The following BMPR1B variants were observed in gnomAD, a reference collection of about 807,000 sequenced individuals.
The protein encoded by BMPR1B is bone morphogenetic protein receptor type 1B, also known as bone morphogenetic protein receptor type-1B.
BMPR1B carries 12 observed loss-of-function variants against 59.1 expected under a neutral mutation model. The ratio of observed to expected loss-of-function variants is 0.20; its 90% confidence interval spans 0.13 to 0.33. The LOEUF (loss-of-function observed/expected upper bound fraction) is 0.33, where lower values mean the gene tolerates loss of function less well. BMPR1B is among the 10% of genes least tolerant of loss of function. BMPR1B has a pLI of 1.00. For synonymous variants in BMPR1B, 237 were observed against 207.3 expected (o/e 1.14, Z -1.23); for missense variants, 550 against 610.9 (o/e 0.90, Z 1.05).
intron 3 of BMPR1B, among the ~76,000 whole-genome samples, chr4:94,997,615 T>C (rs1722151379): frequency 6.6e-6 from 1 of 152,204 alleles, no homozygotes; most frequent in Non-Finnish European, 1.5e-5. Context: ...TTTTATCATG[T>C]GAATCTTTGT....
intron 1 of BMPR1B, among the ~76,000 whole-genome samples, chr4:94,833,680 T>C (rs1405442771): frequency 2.6e-5 from 4 of 152,190 alleles, no homozygotes; most frequent in Non-Finnish European, 5.9e-5. Context: ...GTGTTCCTTA[T>C]AGAATTTTGA....
chr4:95,031,595 A>G (rs1364593104), intron 3 of BMPR1B, among the ~76,000 whole-genome samples: 2 of 152,088 alleles, frequency 1.3e-5, no homozygotes, highest in African/African-American at 2.4e-5. Flanking sequence ...AGTAGCTGGG[A>G]CTACAGGGAC....
At chr4:94,862,240 C>T (rs545457744) in intron 1 of BMPR1B, among the ~76,000 whole-genome samples, 10 of 151,934 alleles carry the variant, frequency 6.6e-5, no homozygotes, top group African/African-American at 1.9e-4. Context: ...AGTCGCATCT[C>T]CCAGGTTAAA....
chr4:94,780,299 T>C (rs1722540480), intron 1 of BMPR1B, among the ~76,000 whole-genome samples: 1 of 152,238 alleles, frequency 6.6e-6, no homozygotes, highest in African/African-American at 2.4e-5. Context: ...ACTGGCTTTC[T>C]TCACTTAGCA....
intron 1 of BMPR1B, among the ~76,000 whole-genome samples, chr4:94,826,249 C>T (rs11728570): frequency 0.24 from 36,572 of 151,978 alleles, 5,108 homozygotes; most frequent in East Asian, 0.4. Context: ...TGTGGTCTTT[C>T]GGTAGAGTTG....
chr4:95,066,070 C>T (rs965289338), intron 3 of BMPR1B, among the ~76,000 whole-genome samples: 7 of 152,112 alleles, frequency 4.6e-5, no homozygotes, highest in Admixed American at 6.6e-5. Context: ...CTCAGTCTAG[C>T]CTTGTGAGTA....
chr4:94,871,698 A>T (rs1726504514), intron 1 of BMPR1B, among the ~76,000 whole-genome samples: 1 of 152,230 alleles, frequency 6.6e-6, no homozygotes, highest in African/African-American at 2.4e-5. Flanking sequence ...AGATAATACA[A>T]GGTAAACACA....
chr4:95,122,097 A>C (rs1044472901), intron 6 of BMPR1B, among the ~76,000 whole-genome samples: 2 of 152,178 alleles, frequency 1.3e-5, no homozygotes, highest in Non-Finnish European at 2.9e-5. Context: ...TAATCCCAGC[A>C]CTTTGGGAGA....
chr4:95,125,844 C>T (rs1732868086), intron 8 of BMPR1B, among the ~76,000 whole-genome samples: 1 of 152,122 alleles, frequency 6.6e-6, no homozygotes, highest in Admixed American at 6.6e-5. Context: ...ATACCCAATA[C>T]TGCTTGCAGG....
At chr4:94,938,859 T>A (rs1206598163) in intron 2 of BMPR1B, among the ~76,000 whole-genome samples, 1 of 151,712 alleles carries the variant, frequency 6.6e-6, no homozygotes, top group Non-Finnish European at 1.5e-5. Flanking sequence ...TTTATTTTTT[T>A]AATTAGCCAT....
chr4:95,114,909 C>T, intron 5 of BMPR1B, 87 bp downstream of exon 5: 2 of 1,310,462 alleles, frequency 1.5e-6, no homozygotes, highest in South Asian at 1.2e-5. Flanking sequence ...TTTTTCTTGG[C>T]CAGCCCATTT....
chr4:95,078,285 C>T (rs1166131155), intron 3 of BMPR1B, among the ~76,000 whole-genome samples: 1 of 152,142 alleles, frequency 6.6e-6, no homozygotes, highest in African/African-American at 2.4e-5. Flanking sequence ...ATATTTTTAA[C>T]TGGTATATAT....
intron 1 of BMPR1B, among the ~76,000 whole-genome samples, chr4:94,794,573 G>T (rs1298579517): frequency 7.2e-6 from 1 of 139,500 alleles, no homozygotes; most frequent in African/African-American, 2.9e-5. Context: ...TTGGTAGCTT[G>T]ATGGGGATGG....
chr4:94,769,815 T>C (rs974993549), intron 1 of BMPR1B, among the ~76,000 whole-genome samples: 1 of 152,228 alleles, frequency 6.6e-6, no homozygotes, highest in Admixed American at 6.5e-5. Flanking sequence ...ATTTTACTTT[T>C]AAAATTTGGT....
At position 95,125,039 on chromosome 4, in the gene BMPR1B, C is replaced by G. The variant is rs373998952; in HGVS notation, c.503C>G (p.Thr168Ser). Reference sequence around the variant, plus strand: ...AGCATTGGGTTAGAACAGGATGAAACTTACATTCCTCCTGGAGAATCCCTG... The same window carrying G: ...AGCATTGGGTTAGAACAGGATGAAAGTTACATTCCTCCTGGAGAATCCCTG... ...RYSIGLEQDE[T>S]YIPPGESLRD... is the part of the protein sequence containing the mutation. The change falls in exon 8 of 13, where the codon ACT becomes AGT. Residue 168 changes from threonine (T) to serine (S), a missense_variant. Thr to Ser is a moderately conservative substitution (Grantham distance 58, BLOSUM62 1). This residue lies in a region of BMPR1B where 318 missense variants were observed against 284.6 expected (regional missense o/e 1.12). Coordinates refer to ENST00000515059, the MANE Select transcript of BMPR1B (RefSeq NM_001203.3). The G allele has an allele frequency of 1.9e-6, 3 of 1,613,338 alleles. No homozygotes were observed. In the African/African-American group the frequency reaches 4.0e-5, roughly 22 times the overall value.
intron 1 of BMPR1B, among the ~76,000 whole-genome samples, chr4:94,758,305 G>T (rs1172566136): frequency 2.0e-5 from 3 of 151,156 alleles, no homozygotes; most frequent in South Asian, 2.1e-4. Context: ...AGGGGGTCAG[G>T]CGGTGGCCGC....
chr4:95,108,464 C>T (rs1485826464), intron 4 of BMPR1B, among the ~76,000 whole-genome samples: 1 of 151,964 alleles, frequency 6.6e-6, no homozygotes, highest in African/African-American at 2.4e-5. Context: ...GAGAATAATC[C>T]AAAAGGAGGC....
chr4:95,023,838 C>T (rs531296362), intron 3 of BMPR1B, among the ~76,000 whole-genome samples: 1 of 152,236 alleles, frequency 6.6e-6, no homozygotes, highest in South Asian at 2.1e-4. Flanking sequence ...AATGTGAGGA[C>T]ATTGATTTTG....
chr4:94,892,298 A>C (rs1168465338), intron 2 of BMPR1B, among the ~76,000 whole-genome samples: 2 of 152,074 alleles, frequency 1.3e-5, no homozygotes, highest in Non-Finnish European at 2.9e-5. Flanking sequence ...CTGGAAATGC[A>C]CGTTTCACCC....
Sources: gnomAD v4.1 joint callset for allele counts (sites outside exome capture counted in the v4.1 genomes callset) on GRCh38, gnomAD v4.1.1 for gene constraint, gnomAD v4.1.1 regional missense constraint, MANE v1.5 for transcripts, NCBI Gene and HGNC (gene_info 2026-07-23, HGNC 2026-07-21) for gene names.